Variants in SLC5A4 observed in about 807,000 individuals in gnomAD.
SLC5A4 encodes solute carrier family 5 member 4, also known as probable glucose sensor protein SLC5A4.
SLC5A4 carries 55 observed loss-of-function variants against 70.3 expected under a neutral mutation model. The observed-to-expected ratio is 0.78, with a 90% CI of 0.63 to 0.98. The LOEUF (loss-of-function observed/expected upper bound fraction) is 0.98, where lower values mean the gene tolerates loss of function less well. Ranked by LOEUF, SLC5A4 falls within the 50% of genes least tolerant of loss-of-function variation. The pLI is 0.00. For missense variants in SLC5A4, 735 were observed against 839.2 expected (o/e 0.88, Z 1.53); for synonymous variants, 268 against 305.7 (o/e 0.88, Z 1.29).
chr22:32,314,017 T>C, the SLC5A4 span, among the ~76,000 whole-genome samples: 1 of 152,086 alleles, frequency 6.6e-6, no homozygotes, highest in African/African-American at 2.4e-5. Flanking sequence ...TCAACCAAAC[T>C]ACATGTTTTT....
At chr22:32,342,397 C>A in the SLC5A4 span, among the ~76,000 whole-genome samples, 1 of 151,992 alleles carries the variant, frequency 6.6e-6, no homozygotes, top group Non-Finnish European at 1.5e-5. Flanking sequence ...TTTGTAATAA[C>A]TAATCTATGT....
At chr22:32,220,474 A>C (rs1840783262) in intron 14 of SLC5A4, among the ~76,000 whole-genome samples, 1 of 152,044 alleles carries the variant, frequency 6.6e-6, no homozygotes, top group South Asian at 2.1e-4. Flanking sequence ...AAGAATAAGC[A>C]TTTTTTTTCC....
At chr22:32,304,391 T>A in the SLC5A4 span, among the ~76,000 whole-genome samples, 120 of 152,336 alleles carry the variant, frequency 7.9e-4, no homozygotes, top group African/African-American at 2.7e-3. Flanking sequence ...TCCACCCGCC[T>A]CAGCCTCTCA....
At chr22:32,329,679 G>A in the SLC5A4 span, among the ~76,000 whole-genome samples, 1 of 60,944 alleles carries the variant, frequency 1.6e-5, no homozygotes, top group Non-Finnish European at 3.2e-5. Context: ...TGTGTTGGGG[G>A]CTCTGGTGTG....
the SLC5A4 span, among the ~76,000 whole-genome samples, chr22:32,353,833 A>AC: frequency 6.9e-6 from 1 of 144,318 alleles, no homozygotes; most frequent in African/African-American, 2.6e-5. Flanking sequence ...CCCCAACCAG[A>AC]CCCCTGCTGG....
the SLC5A4 span, among the ~76,000 whole-genome samples, chr22:32,347,041 G>A: frequency 5.7e-4 from 87 of 152,262 alleles, no homozygotes; most frequent in Non-Finnish European, 8.7e-4. Flanking sequence ...AAAAGTGGGC[G>A]AAGGATATGA....
chr22:32,307,227 C>A, the SLC5A4 span, among the ~76,000 whole-genome samples: 2 of 152,176 alleles, frequency 1.3e-5, no homozygotes, highest in Non-Finnish European at 2.9e-5. Flanking sequence ...TCTGTCAGGG[C>A]TTTGATGTGA....
the SLC5A4 span, among the ~76,000 whole-genome samples, chr22:32,329,654 G>GA: frequency 1.1e-5 from 1 of 87,386 alleles, no homozygotes; most frequent in Admixed American, 1.4e-4. Flanking sequence ...TGTGTGTTGG[G>GA]GGCTCTGGTG....
At chr22:32,331,032 GGA>G in the SLC5A4 span, among the ~76,000 whole-genome samples, 1 of 78,376 alleles carries the variant, frequency 1.3e-5, no homozygotes, top group African/African-American at 4.7e-5. Context: ...TGTGTGTGTT[GGA>G]GGCTCTGGTG....
At chr22:32,312,530 T>G in the SLC5A4 span, among the ~76,000 whole-genome samples, 4 of 152,222 alleles carry the variant, frequency 2.6e-5, no homozygotes, top group East Asian at 5.8e-4. Context: ...TGCTTTGTCT[T>G]GGTCATCCTG....
chr22:32,320,429 G>A, the SLC5A4 span, among the ~76,000 whole-genome samples: 3 of 152,204 alleles, frequency 2.0e-5, no homozygotes, highest in African/African-American at 7.2e-5. Context: ...ACAAAGGTGG[G>A]TCACAGCAGA....
chr22:32,311,453 G>A, the SLC5A4 span, among the ~76,000 whole-genome samples: 10 of 152,356 alleles, frequency 6.6e-5, 1 homozygote, highest in South Asian at 2.1e-3. Context: ...CTTTGGAGAT[G>A]TTTGTGATCA....
the SLC5A4 span, among the ~76,000 whole-genome samples, chr22:32,335,936 C>T: frequency 3.5e-4 from 53 of 152,306 alleles, 1 homozygote; most frequent in South Asian, 2.1e-3. Context: ...TCACGGGAGC[C>T]GAAATGCCCG....
chr22:32,304,541 AT>A, the SLC5A4 span, among the ~76,000 whole-genome samples: 1 of 152,066 alleles, frequency 6.6e-6, no homozygotes, highest in East Asian at 1.9e-4. Context: ...AGCCTCCCAA[AT>A]AGCTGGAATG....
the SLC5A4 span, among the ~76,000 whole-genome samples, chr22:32,305,332 AAT>A: frequency 7.7e-6 from 1 of 130,348 alleles, no homozygotes. Context: ...CCTGTCTCCT[AAT>A]CCTTGTGCCT....
chr22:32,325,168 C>T, the SLC5A4 span, among the ~76,000 whole-genome samples: 6 of 152,378 alleles, frequency 3.9e-5, no homozygotes, highest in East Asian at 9.6e-4. Flanking sequence ...TCGCACTAGG[C>T]CTTCCAATAA....
At chr22:32,235,139 G>A (rs1188503502) in intron 7 of SLC5A4, 46 bp from the exon 8 acceptor site, 3 of 1,387,250 alleles carry the variant, frequency 2.2e-6, no homozygotes, top group Non-Finnish European at 2.0e-6. Flanking sequence ...TGAAATCTAA[G>A]ACATCCAATG....
chr22:32,247,319 GACAGTCTAC>G (rs1569379879), intron 5 of SLC5A4, 83 bp downstream of exon 5: 9 of 759,504 alleles, frequency 1.2e-5, no homozygotes, highest in Non-Finnish European at 1.9e-5. Context: ...AAAGGCTGTT[GACAGTCTAC>G]ACATCCAGCT....
At chr22:32,259,361 T>C (rs956072300), upstream of SLC5A4, among the ~76,000 whole-genome samples, 2 of 152,258 alleles carry the variant, frequency 1.3e-5, no homozygotes, top group Non-Finnish European at 2.9e-5. Context: ...TATAGGGTTT[T>C]CATATGTGGC....
Sources: gnomAD v4.1 joint callset for allele counts (sites outside exome capture counted in the v4.1 genomes callset) on GRCh38, gnomAD v4.1.1 for gene constraint, MANE v1.5 for transcripts, NCBI Gene and HGNC (gene_info 2026-07-23, HGNC 2026-07-21) for gene names.